SDK1: variants seen among roughly 807,000 people sequenced by gnomAD.
SDK1 encodes the protein sidekick cell adhesion molecule 1.
Under a neutral mutation model 245.5 loss-of-function variants are expected in SDK1, and 157 were observed. The observed-to-expected ratio is 0.64, with a 90% CI of 0.56 to 0.73. The LOEUF (loss-of-function observed/expected upper bound fraction) is 0.73, where lower values mean the gene tolerates loss of function less well. Ranked by LOEUF, SDK1 falls within the 30% of genes least tolerant of loss-of-function variation. SDK1 has a pLI of 0.00. For synonymous variants in SDK1, 1,647 were observed against 1,278.5 expected (o/e 1.29, Z -6.15); for missense variants, 3,583 against 3,002.3 (o/e 1.19, Z -4.52).
chr7:3,374,200 G>C (rs1238144684), intron 1 of SDK1, among the ~76,000 whole-genome samples: 1 of 152,062 alleles, frequency 6.6e-6, no homozygotes, highest in Non-Finnish European at 1.5e-5. Context: ...TCTGGAATCA[G>C]GAACCCACTG....
In SDK1 at chr7:4,030,478, C is replaced by T. The variant is rs1007126740; in HGVS notation, c.2602+13126C>T. On this transcript the variant is annotated intron_variant, in intron 17 of 44. Coordinates refer to ENST00000404826, the MANE Select transcript of SDK1 (RefSeq NM_152744.4). ...GTTTTGCTGGTGGCAGTTGACAGGTCGCAGGCTTGGGTGAGGTGACAGGAC... is the reference window on the plus strand; with the variant it reads ...GTTTTGCTGGTGGCAGTTGACAGGTTGCAGGCTTGGGTGAGGTGACAGGAC... Among the ~76,000 whole-genome samples, 6 of 152,134 alleles carry T rather than the reference C, an allele frequency of 3.9e-5. No individual in the cohort carries two copies. The South Asian group carries it at 6.2e-4, about 16-fold the overall frequency.
At chr7:3,376,186 G>A (rs1554499) in intron 1 of SDK1, among the ~76,000 whole-genome samples, 68,934 of 151,922 alleles carry the variant, frequency 0.45, 17,883 homozygotes, top group East Asian at 0.61. Context: ...GACAGAGTGA[G>A]ACCCTGCCTT....
At chr7:4,245,358 C>A (rs751450445) in intron 43 of SDK1, among the ~76,000 whole-genome samples, 7 of 152,156 alleles carry the variant, frequency 4.6e-5, no homozygotes, top group Non-Finnish European at 1.0e-4. Context: ...CTAAGCTCCC[C>A]GGCCTCCTAT....
At chr7:3,543,485 C>T (rs958676529) in intron 1 of SDK1, among the ~76,000 whole-genome samples, 16 of 152,216 alleles carry the variant, frequency 1.1e-4, no homozygotes, top group South Asian at 4.1e-4. Context: ...CTGCCTTCCT[C>T]ATGGTCTGCT....
rs1780829946 is a variant in SDK1 at position 3,590,370 on chromosome 7, G to C, written c.299-28710G>C. ...ACTATAGACAAAATACAATAGCAAA[G>C]ACAAATTATGGATAAATTGGAAAAT... On this transcript the variant is annotated intron_variant, in intron 1 of 44. Coordinates refer to ENST00000404826, the MANE Select transcript of SDK1 (RefSeq NM_152744.4). Among the ~76,000 whole-genome samples the C allele has an allele frequency of 2.5e-5, 3 of 120,654 alleles. No homozygotes were observed. The Admixed American group carries it at 3.4e-4, about 14-fold the overall frequency. 79.2% of individuals were successfully genotyped at this position (120,654 alleles called of 152,430 possible).
At chr7:4,149,181 ACAG>A in intron 29 of SDK1, 78 bp from the exon 30 acceptor site, 1 of 1,194,274 alleles carries the variant, frequency 8.4e-7, no homozygotes, top group East Asian at 3.0e-5. Flanking sequence ...TCAGCCCTGT[ACAG>A]CAGCGTAGCC....
chr7:3,456,216 G>A (rs1016833293), intron 1 of SDK1, among the ~76,000 whole-genome samples: 1 of 151,968 alleles, frequency 6.6e-6, no homozygotes, highest in African/African-American at 2.4e-5. Context: ...TATTTTGTTT[G>A]GGCTTCACTC....
chr7:3,338,314 T>G, intron 1 of SDK1: 1 of 489,240 alleles, frequency 2.0e-6, no homozygotes, highest in South Asian at 2.0e-5. Context: ...ACTGCAAGAG[T>G]CTACGATGTT....
chr7:4,172,476 G>A (rs909084631), intron 32 of SDK1, among the ~76,000 whole-genome samples: 7 of 152,164 alleles, frequency 4.6e-5, no homozygotes, highest in East Asian at 1.9e-4. Flanking sequence ...GTTTTGCCTC[G>A]TGAGTAGCAA....
At chr7:3,971,923 G>T (rs1002679965) in intron 12 of SDK1, among the ~76,000 whole-genome samples, 12 of 152,056 alleles carry the variant, frequency 7.9e-5, no homozygotes, top group African/African-American at 2.9e-4. Context: ...TTTACACGGG[G>T]GCTGTGCCAC....
intron 2 of SDK1, among the ~76,000 whole-genome samples, chr7:3,632,675 T>C: frequency 6.6e-6 from 1 of 152,230 alleles, no homozygotes. Flanking sequence ...GCTTCCATCG[T>C]TACCATACTG....
chr7:3,782,285 C>A (rs1272001247), intron 4 of SDK1, among the ~76,000 whole-genome samples: 5 of 152,194 alleles, frequency 3.3e-5, no homozygotes, highest in Non-Finnish European at 5.9e-5. Context: ...TCTCCAACTC[C>A]TTCTAACAAC....
intron 4 of SDK1, among the ~76,000 whole-genome samples, chr7:3,718,265 C>T (rs1026462845): frequency 6.6e-6 from 1 of 151,964 alleles, no homozygotes; most frequent in Non-Finnish European, 1.5e-5. Context: ...TTTCAAAGGC[C>T]GAGATGGGTG....
At chr7:4,135,672 A>G (rs1395095792) in intron 28 of SDK1, among the ~76,000 whole-genome samples, 1 of 152,216 alleles carries the variant, frequency 6.6e-6, no homozygotes, top group Non-Finnish European at 1.5e-5. Context: ...CCCATGCCTC[A>G]GTTTCCCCAT....
At chr7:3,453,985 G>C (rs907636562) in intron 1 of SDK1, among the ~76,000 whole-genome samples, 7 of 152,272 alleles carry the variant, frequency 4.6e-5, no homozygotes, top group African/African-American at 1.7e-4. Context: ...AGGAGAAAAA[G>C]AATTGGGAAG....
At chr7:3,975,387 C>A (rs924634166) in intron 13 of SDK1, among the ~76,000 whole-genome samples, 1 of 152,168 alleles carries the variant, frequency 6.6e-6, no homozygotes, top group African/African-American at 2.4e-5. Flanking sequence ...CATGCTGGGC[C>A]TTTCGACAAA....
chr7:4,177,190 G>A (rs1443896007), intron 34 of SDK1, among the ~76,000 whole-genome samples: 1 of 152,192 alleles, frequency 6.6e-6, no homozygotes, highest in Non-Finnish European at 1.5e-5. Flanking sequence ...GTCCAAGGAC[G>A]GGCGCCTGAG....
At chr7:3,590,678 C>T (rs926900563) in intron 1 of SDK1, among the ~76,000 whole-genome samples, 5 of 151,980 alleles carry the variant, frequency 3.3e-5, no homozygotes, top group African/African-American at 9.7e-5. Context: ...TCCTTAGCTG[C>T]GCATTTACTT....
intron 35 of SDK1, among the ~76,000 whole-genome samples, chr7:4,203,687 G>T (rs1458082021): frequency 1.3e-5 from 2 of 152,212 alleles, no homozygotes; most frequent in Admixed American, 1.3e-4. Context: ...GCTTGTCAAT[G>T]GCAGAGCCTT....
Sources: allele counts gnomAD v4.1 joint callset (sites outside exome capture counted in the v4.1 genomes callset), GRCh38; gene constraint gnomAD v4.1.1; transcripts MANE v1.5; gene names NCBI Gene and HGNC (gene_info 2026-07-23, HGNC 2026-07-21).